IGF1R: variants seen among roughly 807,000 people sequenced by gnomAD.
IGF1R encodes the protein insulin-like growth factor 1 receptor.
IGF1R carries 44 observed loss-of-function variants against 144.6 expected under a neutral mutation model. That is an observed-to-expected ratio of 0.30 (90% CI 0.24 to 0.39). The LOEUF is 0.39. IGF1R is among the 10% of genes least tolerant of loss of function. The pLI, the probability that IGF1R is intolerant of heterozygous loss-of-function variation, is 1.00. For synonymous variants in IGF1R, 795 were observed against 722.8 expected (o/e 1.10, Z -1.60); for missense variants, 1,355 against 1,833.7 (o/e 0.74, Z 4.77).
chr15:98,891,384 G>A lies in IGF1R; in HGVS notation c.700G>A (p.Glu234Lys), dbSNP rs1253103806. The change falls in exon 3 of 21, where the codon GAG becomes AAG. Residue 234 changes from glutamate to lysine, a missense_variant. By Grantham distance (56) the Glu-to-Lys change is moderately conservative. Around this residue, in one of 7 missense-constraint regions of IGF1R, gnomAD observed 880 missense variants for 1,202.7 expected, o/e 0.73. Coordinates refer to ENST00000650285, the MANE Select transcript of IGF1R (RefSeq NM_000875.5). The surrounding 1 kb of genome is among the most constrained non-coding windows in gnomAD (Gnocchi z 4.7). ...CTENNECCHPECLGSCSAPDN... is the reference protein window; with the variant it reads ...CTENNECCHPKCLGSCSAPDN... ...CGAGAACAATGAGTGCTGCCACCCCGAGTGCCTGGGCAGCTGCAGCGCGCC... is the reference window on the plus strand; with the variant it reads ...CGAGAACAATGAGTGCTGCCACCCCAAGTGCCTGGGCAGCTGCAGCGCGCC... The A allele has an allele frequency of 1.2e-6, 2 of 1,612,026 alleles. No homozygotes were observed. Among genetic ancestry groups the A allele is most frequent in the Non-Finnish European group, 1.7e-6 (2 of 1,179,968 alleles).
At chr15:98,868,854 T>C (rs551616465) in intron 2 of IGF1R, among the ~76,000 whole-genome samples, 2 of 152,296 alleles carry the variant, frequency 1.3e-5, no homozygotes, top group East Asian at 3.9e-4. Context: ...ATTCTTCCCT[T>C]CCCTGCTAGT....
intron 2 of IGF1R, among the ~76,000 whole-genome samples, chr15:98,772,312 T>C (rs2141373926): frequency 6.6e-6 from 1 of 152,102 alleles, no homozygotes; most frequent in South Asian, 2.1e-4. Context: ...AGGAATTTTT[T>C]GAAAATCACT....
chr15:98,810,298 A>G (rs1195222567), intron 2 of IGF1R, among the ~76,000 whole-genome samples: 1 of 152,106 alleles, frequency 6.6e-6, no homozygotes, highest in African/African-American at 2.4e-5. Context: ...CTGTTTGTCC[A>G]GTTACTGTGT....
chr15:98,729,926 C>T (rs995629198), intron 2 of IGF1R, among the ~76,000 whole-genome samples: 2 of 152,202 alleles, frequency 1.3e-5, no homozygotes, highest in African/African-American at 4.8e-5. Flanking sequence ...AACACCCTGT[C>T]TGCAGGTCCA....
At chr15:98,915,191 C>T (rs769061190) in intron 8 of IGF1R, among the ~76,000 whole-genome samples, 2 of 152,190 alleles carry the variant, frequency 1.3e-5, no homozygotes, top group African/African-American at 4.8e-5. Flanking sequence ...GATCTTTATG[C>T]ACACTTCAGC....
At chr15:98,829,868 G>A (rs868107025) in intron 2 of IGF1R, among the ~76,000 whole-genome samples, 15 of 152,272 alleles carry the variant, frequency 9.9e-5, no homozygotes, top group Middle Eastern at 3.4e-3. Flanking sequence ...GCTTTTCTCC[G>A]TGTACCTTGT....
intron 1 of IGF1R, among the ~76,000 whole-genome samples, chr15:98,673,764 C>G (rs756828883): frequency 3.9e-5 from 6 of 152,162 alleles, no homozygotes; most frequent in Non-Finnish European, 7.4e-5. Flanking sequence ...CTTTTTTAAG[C>G]GTGCTGTTCA....
chr15:98,898,152 C>T (rs1029942908), intron 4 of IGF1R, among the ~76,000 whole-genome samples: 1 of 152,164 alleles, frequency 6.6e-6, no homozygotes, highest in Admixed American at 6.5e-5. Context: ...TAGGGCTTGC[C>T]CACTCTCATG....
At position 98,891,715 on chromosome 15, in the gene IGF1R, G is replaced by C; in HGVS notation, c.953+78G>C. The C allele has an allele frequency of 7.0e-7, 1 of 1,434,694 alleles. No homozygotes were observed. Among genetic ancestry groups the C allele is most frequent in the Non-Finnish European group, 9.6e-7 (1 of 1,043,820 alleles). The allele number at this position is 1,434,694 out of a possible 1,614,324, so 88.9% of individuals were successfully genotyped here. On this transcript the variant is annotated intron_variant, in intron 3 of 20. Transcript: ENST00000650285. The surrounding 1 kb of genome is among the most constrained non-coding windows in gnomAD (Gnocchi z 4.7). ...CTAGCACACAAAGGTAGACTCTGTC[G>C]GTTGTTTCATCCGGGTGCAGCCCTC...
At chr15:98,796,734 C>T (rs939864202) in intron 2 of IGF1R, among the ~76,000 whole-genome samples, 12 of 152,172 alleles carry the variant, frequency 7.9e-5, no homozygotes, top group Non-Finnish European at 1.5e-4. Context: ...TATACATACA[C>T]ACAGGCATGC....
At chr15:98,771,445 A>G (rs183570835) in intron 2 of IGF1R, among the ~76,000 whole-genome samples, 36 of 152,292 alleles carry the variant, frequency 2.4e-4, no homozygotes, top group African/African-American at 8.4e-4. Context: ...ATGTGCAGAT[A>G]TGTGTGCTTA....
intron 2 of IGF1R, among the ~76,000 whole-genome samples, chr15:98,751,893 A>ACCCTTT (rs1225967069): frequency 1.3e-5 from 2 of 152,174 alleles, no homozygotes. Context: ...GACGTCTCCC[A>ACCCTTT]CCCTTTCCCT....
At chr15:98,929,971 T>C (rs1436009839) in intron 14 of IGF1R, among the ~76,000 whole-genome samples, 1 of 152,138 alleles carries the variant, frequency 6.6e-6, no homozygotes, top group Non-Finnish European at 1.5e-5. Flanking sequence ...TTATTTCCAA[T>C]GAAGTAAAGA....
chr15:98,661,342 G>C (rs2052593666), intron 1 of IGF1R, among the ~76,000 whole-genome samples: 1 of 152,192 alleles, frequency 6.6e-6, no homozygotes, highest in Non-Finnish European at 1.5e-5. Context: ...CCTCTGGACA[G>C]AAGAAAGCTT....
chr15:98,894,093 T>TTGA (rs1255139974), intron 3 of IGF1R, among the ~76,000 whole-genome samples: 1 of 152,128 alleles, frequency 6.6e-6, no homozygotes, highest in African/African-American at 2.4e-5. Flanking sequence ...TCTTTTCTCT[T>TTGA]TGATAGACTC....
intron 7 of IGF1R, 126 bp downstream of exon 7, chr15:98,911,567 C>T: frequency 5.8e-6 from 7 of 1,209,966 alleles, no homozygotes; most frequent in Admixed American, 1.7e-5. Flanking sequence ...GAGAGCCACG[C>T]CAAACATCCC....
chr15:98,650,906 G>A (rs1161064082), intron 1 of IGF1R: 1 of 984,806 alleles, frequency 1.0e-6, no homozygotes, highest in Non-Finnish European at 1.2e-6. Flanking sequence ...GAAGCGCGGG[G>A]ATGCGGGGAG....
chr15:98,722,897 C>T (rs577314366), intron 2 of IGF1R, among the ~76,000 whole-genome samples: 4 of 152,164 alleles, frequency 2.6e-5, no homozygotes, highest in East Asian at 1.9e-4. Context: ...GGAGCATCTC[C>T]GCCTGGTGCT....
At chr15:98,796,099 C>T (rs1446136145) in intron 2 of IGF1R, among the ~76,000 whole-genome samples, 6 of 152,134 alleles carry the variant, frequency 3.9e-5, no homozygotes, top group East Asian at 1.9e-4. Context: ...CACATATGAA[C>T]GTGAAAGAGG....
Sources: gnomAD v4.1 joint callset for allele counts (sites outside exome capture counted in the v4.1 genomes callset) on GRCh38, gnomAD v4.1.1 for gene constraint, gnomAD v4.1.1 regional missense constraint, Gnocchi (gnomAD v3.1) non-coding constraint, MANE v1.5 for transcripts, NCBI Gene and HGNC (gene_info 2026-07-23, HGNC 2026-07-21) for gene names.